KCNMB2: variants seen among roughly 807,000 people sequenced by gnomAD.
The protein encoded by KCNMB2 is calcium-activated potassium channel subunit beta-2.
In KCNMB2, 9 loss-of-function variants were observed where a neutral mutation model predicts 24.5. That is an observed-to-expected ratio of 0.37 (90% CI 0.22 to 0.64). KCNMB2 has a LOEUF of 0.64. Ranked by LOEUF, KCNMB2 falls within the 30% of genes least tolerant of loss-of-function variation. The pLI, the probability that KCNMB2 is intolerant of heterozygous loss-of-function variation, is 0.63. For missense variants in KCNMB2, 226 were observed against 284.3 expected (o/e 0.79, Z 1.47); for synonymous variants, 109 against 104.4 (o/e 1.04, Z -0.27).
intron 1 of KCNMB2, among the ~76,000 whole-genome samples, chr3:178,655,097 T>TCTCTCC (rs1423747383): frequency 2.8e-5 from 1 of 35,400 alleles, no homozygotes. Flanking sequence ...TAGCTCTCCC[T>TCTCTCC]CTCTCTCTCT....
At chr3:178,645,469 C>A (rs1213462414) in intron 1 of KCNMB2, among the ~76,000 whole-genome samples, 1 of 152,096 alleles carries the variant, frequency 6.6e-6, no homozygotes, top group Non-Finnish European at 1.5e-5. Context: ...AAATAAACAT[C>A]TGTAAGGGGG....
intron 1 of KCNMB2, among the ~76,000 whole-genome samples, chr3:178,544,486 C>T (rs1159740913): frequency 4.6e-5 from 7 of 152,110 alleles, no homozygotes; most frequent in Admixed American, 1.3e-4. Flanking sequence ...GACAGATGAT[C>T]CTGGGTGAGA....
chr3:178,555,008 A>G (rs1280151255), intron 1 of KCNMB2, among the ~76,000 whole-genome samples: 1 of 152,216 alleles, frequency 6.6e-6, no homozygotes, highest in African/African-American at 2.4e-5. Flanking sequence ...CTTGTCATTT[A>G]AATTAGAATT....
Position 178,807,408 on chromosome 3 carries a change from A to C in KCNMB2, c.-2A>C. 6.2e-7 allele frequency: 1 copy of C among 1,613,378 alleles called. No individual in the cohort carries two copies. Among genetic ancestry groups the C allele is most frequent in the Non-Finnish European group, 8.5e-7 (1 of 1,179,490 alleles). ...GGAGACCCTGGACCAACATTCTCTA[A>C]GATGTTTATATGGACCAGTGGCCGG... On this transcript the variant is annotated 5_prime_UTR_variant, in exon 2 of 5. Transcript: ENST00000452583.
chr3:178,756,177 A>G (rs1258910359), intron 1 of KCNMB2, among the ~76,000 whole-genome samples: 1 of 152,110 alleles, frequency 6.6e-6, no homozygotes, highest in African/African-American at 2.4e-5. Context: ...AATAAAATAT[A>G]CATATTAAAG....
chr3:178,791,668 T>C (rs1345366668), intron 1 of KCNMB2, among the ~76,000 whole-genome samples: 3 of 152,040 alleles, frequency 2.0e-5, no homozygotes, highest in South Asian at 2.1e-4. Context: ...TCAAAGAAGA[T>C]TACCTCAAAG....
intron 1 of KCNMB2, among the ~76,000 whole-genome samples, chr3:178,684,317 A>G (rs954812711): frequency 2.0e-4 from 24 of 121,324 alleles, no homozygotes; most frequent in African/African-American, 7.6e-4. Context: ...GATAGAGAAC[A>G]AAACAGTGGT....
At position 178,677,323 on chromosome 3, in the gene KCNMB2, A is replaced by G. The variant is rs142330883; in HGVS notation, c.-67-130020A>G. On this transcript the variant is annotated intron_variant, in intron 1 of 4. Coordinates refer to ENST00000452583, the MANE Select transcript of KCNMB2 (RefSeq NM_181361.3). Reference sequence around the variant, plus strand: ...ACCAGACACCATAAGGAGGGTATGTACATGGAGGACAATTTTAGACTGTGA... The same window carrying G: ...ACCAGACACCATAAGGAGGGTATGTGCATGGAGGACAATTTTAGACTGTGA... Among the ~76,000 whole-genome samples the G allele has an allele frequency of 3.9e-3, 595 of 152,288 alleles. 8 individuals are homozygous for G. The highest frequency in any genetic ancestry group is 0.035 in the Admixed American group (537 of 15,284).
At chr3:178,741,363 G>C (rs1007361256) in intron 1 of KCNMB2, among the ~76,000 whole-genome samples, 1 of 152,106 alleles carries the variant, frequency 6.6e-6, no homozygotes, top group Admixed American at 6.5e-5. Flanking sequence ...GAAACCCAAT[G>C]AATATTTATT....
chr3:178,779,972 C>A (rs921259111), intron 1 of KCNMB2, among the ~76,000 whole-genome samples: 2 of 148,178 alleles, frequency 1.3e-5, no homozygotes, highest in African/African-American at 5.0e-5. Flanking sequence ...ATGATGGATT[C>A]TTTTCCTATA....
At chr3:178,717,891 A>C (rs115295132) in intron 1 of KCNMB2, among the ~76,000 whole-genome samples, 1 of 99,542 alleles carries the variant, frequency 1.0e-5, no homozygotes, top group Non-Finnish European at 1.9e-5. Context: ...CTTTCTTTAC[A>C]AAAAAAAAAA....
intron 1 of KCNMB2, among the ~76,000 whole-genome samples, chr3:178,739,989 T>C (rs1185304031): frequency 6.6e-6 from 1 of 152,222 alleles, no homozygotes; most frequent in African/African-American, 2.4e-5. Flanking sequence ...AACACTAACC[T>C]ACTCTTGACA....
At chr3:178,773,242 C>A (rs1027382471) in intron 1 of KCNMB2, among the ~76,000 whole-genome samples, 1 of 152,064 alleles carries the variant, frequency 6.6e-6, no homozygotes, top group Non-Finnish European at 1.5e-5. Flanking sequence ...GTCTTGATCC[C>A]CAATCTTAAT....
At chr3:178,576,009 T>C (rs1245967987) in intron 1 of KCNMB2, among the ~76,000 whole-genome samples, 3 of 152,092 alleles carry the variant, frequency 2.0e-5, no homozygotes, top group African/African-American at 7.2e-5. Context: ...CCACCTTTCC[T>C]ATATCACTCT....
At chr3:178,631,669 G>T (rs1250312557) in intron 1 of KCNMB2, among the ~76,000 whole-genome samples, 3 of 152,134 alleles carry the variant, frequency 2.0e-5, no homozygotes, top group Non-Finnish European at 4.4e-5. Context: ...CAAATCTCAG[G>T]TGTGCTATTT....
chr3:178,778,460 A>ACACGCACGCACGTGCGCGCGCG (rs879860042), intron 1 of KCNMB2, among the ~76,000 whole-genome samples: 1 of 48,010 alleles, frequency 2.1e-5, no homozygotes, highest in Non-Finnish European at 4.0e-5. Context: ...TTTAAGACAC[A>ACACGCACGCACGTGCGCGCGCG]CACACACACA....
chr3:178,575,150 A>T (rs1310948022), intron 1 of KCNMB2, among the ~76,000 whole-genome samples: 2 of 152,216 alleles, frequency 1.3e-5, no homozygotes, highest in African/African-American at 4.8e-5. Flanking sequence ...TGAGAAAATA[A>T]ACAAGATAAA....
At chr3:178,613,964 C>G (rs977498020) in intron 1 of KCNMB2, among the ~76,000 whole-genome samples, 1 of 151,666 alleles carries the variant, frequency 6.6e-6, no homozygotes, top group Non-Finnish European at 1.5e-5. Context: ...AGGCTATTTT[C>G]TTGATCCTGT....
chr3:178,664,265 T>C (rs976645779), intron 1 of KCNMB2, among the ~76,000 whole-genome samples: 5 of 152,000 alleles, frequency 3.3e-5, no homozygotes, highest in African/African-American at 9.7e-5. Context: ...AGAGAACAAA[T>C]GACATGATTA....
Sources: allele counts gnomAD v4.1 joint callset (sites outside exome capture counted in the v4.1 genomes callset), GRCh38; gene constraint gnomAD v4.1.1; transcripts MANE v1.5; gene names NCBI Gene and HGNC (gene_info 2026-07-23, HGNC 2026-07-21).